HMGA2: variants seen among roughly 807,000 people sequenced by gnomAD.
HMGA2 encodes high mobility group AT-hook 2, also known as high mobility group protein HMGI-C.
HMGA2 carries 8 observed loss-of-function variants against 19.1 expected under a neutral mutation model. That is an observed-to-expected ratio of 0.42 (90% CI 0.25 to 0.76). The LOEUF (loss-of-function observed/expected upper bound fraction) is 0.76. Ranked by LOEUF, HMGA2 falls within the 30% of genes least tolerant of loss-of-function variation. The pLI, the probability that HMGA2 is intolerant of heterozygous loss-of-function variation, is 0.28. For synonymous variants in HMGA2, 60 were observed against 48.8 expected (o/e 1.23, Z -0.96); for missense variants, 109 against 136.3 (o/e 0.80, Z 1.00).
chr12:65,831,450 G>C (rs965681866), intron 2 of HMGA2, among the ~76,000 whole-genome samples: 1 of 149,742 alleles, frequency 6.7e-6, no homozygotes, highest in African/African-American at 2.4e-5. Context: ...GAAGGAAAAT[G>C]AAAATAAAAA....
At chr12:65,929,194 T>G (rs1199713017) in intron 3 of HMGA2, among the ~76,000 whole-genome samples, 2 of 152,182 alleles carry the variant, frequency 1.3e-5, no homozygotes, top group Non-Finnish European at 2.9e-5. Context: ...GGCCAAAGTT[T>G]GTCAAACCAT....
intron 3 of HMGA2, chr12:65,915,396 C>A (rs1875057343): frequency 7.7e-7 from 1 of 1,293,574 alleles, no homozygotes; most frequent in Non-Finnish European, 9.9e-7. Context: ...AGAGCCATGC[C>A]TGCGGGGACA....
At chr12:65,877,563 T>C (rs1592412506) in intron 3 of HMGA2, among the ~76,000 whole-genome samples, 1 of 152,192 alleles carries the variant, frequency 6.6e-6, no homozygotes, top group African/African-American at 2.4e-5. Context: ...CTGTACAGCA[T>C]GCATTTTGGG....
At chr12:65,852,465 T>A (rs1467096145) in intron 3 of HMGA2, among the ~76,000 whole-genome samples, 1 of 152,244 alleles carries the variant, frequency 6.6e-6, no homozygotes, top group Admixed American at 6.5e-5. Context: ...ATTGCACCAC[T>A]GTACTCTGGC....
chr12:65,830,072 T>C (rs1484369684), intron 2 of HMGA2, among the ~76,000 whole-genome samples: 3 of 151,984 alleles, frequency 2.0e-5, no homozygotes, highest in African/African-American at 7.2e-5. Flanking sequence ...TTTCCTACAA[T>C]GGTGTTATAA....
chr12:65,842,684 C>A, intron 3 of HMGA2: 1 of 1,526,110 alleles, frequency 6.6e-7, no homozygotes, highest in South Asian at 1.2e-5. Flanking sequence ...AGTATTTCTG[C>A]TGTTTGCCTC....
At chr12:65,905,083 T>C (rs1874531940) in intron 3 of HMGA2, among the ~76,000 whole-genome samples, 1 of 152,020 alleles carries the variant, frequency 6.6e-6, no homozygotes, top group Admixed American at 6.6e-5. Context: ...AAATAGAAAG[T>C]CATTTATATC....
chr12:65,862,413 T>G (rs1044504209), intron 3 of HMGA2, among the ~76,000 whole-genome samples: 1 of 152,164 alleles, frequency 6.6e-6, no homozygotes, highest in Non-Finnish European at 1.5e-5. Flanking sequence ...TATTATCAAT[T>G]TTCTGCAAAT....
Position 65,873,992 on chromosome 12 carries a change from T to TA in HMGA2, c.249+35424dup, listed in dbSNP as rs201191127. The stretch of plus-strand genomic sequence containing the variant: ...CCACAGTTAGTGAGATTTTGTTTTT[T>TA]ATCTCTCTATAGCCTACTATTGCAC... On this transcript the variant is annotated intron_variant, in intron 3 of 4. Transcript: ENST00000403681. 3.1e-4 allele frequency: 47 copies of TA among 152,368 alleles called. 1 individual carries two copies. In the East Asian group the frequency reaches 9.1e-3, roughly 29 times the overall value. The allele number at this position is 152,368 out of a possible 1,614,324, so 9.4% of individuals were successfully genotyped here.
At chr12:65,948,713 G>T (rs755739476) in intron 3 of HMGA2, among the ~76,000 whole-genome samples, 12 of 152,234 alleles carry the variant, frequency 7.9e-5, no homozygotes, top group Non-Finnish European at 1.3e-4. Flanking sequence ...GAAGTGCTGT[G>T]TCTGAGGGTA....
chr12:65,853,672 T>C (rs1871586325), intron 3 of HMGA2, among the ~76,000 whole-genome samples: 1 of 152,146 alleles, frequency 6.6e-6, no homozygotes, highest in Admixed American at 6.5e-5. Context: ...AGAGTGGTAA[T>C]GTGATGTCAT....
At chr12:65,866,851 A>G (rs1565713905) in intron 3 of HMGA2, 1 of 456,730 alleles carries the variant, frequency 2.2e-6, no homozygotes, top group Non-Finnish European at 4.4e-6. Context: ...TTGCCCTCTC[A>G]ACCCATCTGA....
At chr12:65,880,660 A>G (rs1349939387) in intron 3 of HMGA2, among the ~76,000 whole-genome samples, 1 of 152,214 alleles carries the variant, frequency 6.6e-6, no homozygotes, top group Non-Finnish European at 1.5e-5. Context: ...GAATCAGACA[A>G]TGTACAGTTA....
rs148923600 is a variant in HMGA2, at chr12:65,827,250, G to C, written c.112-751G>C. 7.5e-3 allele frequency among the ~76,000 whole-genome samples: 1,139 copies of C among 152,160 alleles called. 5 individuals carry two copies. The highest frequency in any genetic ancestry group is 0.014 in the Middle Eastern group (4 of 294). On this transcript the variant is annotated intron_variant, in intron 1 of 4. Transcript: ENST00000403681. ...AGTTTTCTCCACTCCACCCCCATAA[G>C]AGTTTTCTCAAAAGAAAGTTTTGAA...
chr12:65,917,439 T>C (rs1192640691), intron 3 of HMGA2, among the ~76,000 whole-genome samples: 1 of 152,202 alleles, frequency 6.6e-6, no homozygotes, highest in African/African-American at 2.4e-5. Flanking sequence ...GTCTGGATTG[T>C]TTCCTCCATG....
chr12:65,960,265 A>T (rs1876716285), intron 4 of HMGA2, among the ~76,000 whole-genome samples: 1 of 151,636 alleles, frequency 6.6e-6, no homozygotes, highest in Non-Finnish European at 1.5e-5. Flanking sequence ...CAGAAACAGG[A>T]CTCTTTGGGG....
chr12:65,857,301 G>T (rs931743394), intron 3 of HMGA2: 4 of 152,154 alleles, frequency 2.6e-5, no homozygotes, highest in Non-Finnish European at 5.9e-5. Context: ...GCTAGCAAAA[G>T]CTTTTGCAGA....
Position 65,825,799 on chromosome 12 carries a change from C to A in HMGA2, c.111+418C>A, listed in dbSNP as rs920794571. Among the ~76,000 whole-genome samples, 1 of 152,062 alleles carries A rather than the reference C, an allele frequency of 6.6e-6. No individual in the cohort carries two copies. The highest frequency in any genetic ancestry group is 1.5e-5 in the Non-Finnish European group (1 of 67,998). ...GGTGCCGGGGACCCGGGCGCTTCGGCCGATCTGGGCTGAAGGGGCTAGAGT... is the reference window on the plus strand; with the variant it reads ...GGTGCCGGGGACCCGGGCGCTTCGGACGATCTGGGCTGAAGGGGCTAGAGT... On this transcript the variant is annotated intron_variant, in intron 1 of 4. Coordinates refer to ENST00000403681, the MANE Select transcript of HMGA2 (RefSeq NM_003483.6). This position sits in a 1 kb window ranked among gnomAD's most constrained non-coding sequence, Gnocchi z 4.4.
At chr12:65,847,853 G>C (rs566642321) in intron 3 of HMGA2, among the ~76,000 whole-genome samples, 21 of 152,266 alleles carry the variant, frequency 1.4e-4, no homozygotes, top group African/African-American at 4.8e-4. Context: ...TTTTTCTTTA[G>C]TGTGTATAAA....
Sources: allele counts gnomAD v4.1 joint callset (sites outside exome capture counted in the v4.1 genomes callset), GRCh38; gene constraint gnomAD v4.1.1; non-coding constraint Gnocchi (gnomAD v3.1); transcripts MANE v1.5; gene names NCBI Gene and HGNC (gene_info 2026-07-23, HGNC 2026-07-21).